The following CDK14 variants were observed in gnomAD, a reference collection of about 807,000 sequenced individuals.
CDK14 encodes the protein cyclin-dependent kinase 14.
In CDK14, 34 loss-of-function variants were observed where a neutral mutation model predicts 60.7. That is an observed-to-expected ratio of 0.56 (90% CI 0.43 to 0.75). The LOEUF (loss-of-function observed/expected upper bound fraction) is 0.75. Ranked by LOEUF, CDK14 falls within the 30% of genes least tolerant of loss-of-function variation. The pLI, the probability that CDK14 is intolerant of heterozygous loss-of-function variation, is 0.00. For synonymous variants in CDK14, 197 were observed against 203.7 expected, an observed-to-expected ratio of 0.97 and a Z score of 0.28; for missense variants, 482 against 564.1, an observed-to-expected ratio of 0.85 and a Z score of 1.47.
intron 2 of CDK14, among the ~76,000 whole-genome samples, chr7:90,703,620 C>A (rs554794232): frequency 6.6e-6 from 1 of 152,138 alleles, no homozygotes; most frequent in South Asian, 2.1e-4. Context: ...AATGAGGAAG[C>A]AAAAACTGAG....
chr7:90,960,928 T>C (rs1319408523), intron 9 of CDK14, among the ~76,000 whole-genome samples: 2 of 152,160 alleles, frequency 1.3e-5, no homozygotes, highest in East Asian at 3.9e-4. Flanking sequence ...GTACTTCTAT[T>C]GAACACAAAC....
intron 1 of CDK14, among the ~76,000 whole-genome samples, chr7:90,603,578 A>C (rs922781217): frequency 6.6e-6 from 1 of 152,194 alleles, no homozygotes; most frequent in Non-Finnish European, 1.5e-5. Flanking sequence ...CATTTCTGAG[A>C]ATGTATCCCA....
chr7:90,975,662 T>G (rs1206683348), intron 9 of CDK14, among the ~76,000 whole-genome samples: 2 of 152,102 alleles, frequency 1.3e-5, no homozygotes, highest in Admixed American at 1.3e-4. Flanking sequence ...TAATTTTGTG[T>G]CTTTTAGCAA....
At chr7:90,952,345 T>C (rs1271191691) in intron 8 of CDK14, among the ~76,000 whole-genome samples, 2 of 152,112 alleles carry the variant, frequency 1.3e-5, no homozygotes, top group Non-Finnish European at 1.5e-5. Flanking sequence ...CTTATAGAGA[T>C]GTGAGGAGGA....
chr7:91,134,118 T>C (rs550022245), intron 14 of CDK14, among the ~76,000 whole-genome samples: 212 of 152,198 alleles, frequency 1.4e-3, no homozygotes, highest in Middle Eastern at 6.8e-3. Flanking sequence ...GTGAGGGCTT[T>C]TTGTGGGGGG....
chr7:91,175,511 G>A (rs1801704244), intron 14 of CDK14, among the ~76,000 whole-genome samples: 1 of 152,086 alleles, frequency 6.6e-6, no homozygotes, highest in African/African-American at 2.4e-5. Context: ...GACACAGACT[G>A]GCAAATTGAA....
At chr7:90,807,433 C>CA (rs978379466) in intron 5 of CDK14, among the ~76,000 whole-genome samples, 1 of 152,156 alleles carries the variant, frequency 6.6e-6, no homozygotes, top group African/African-American at 2.4e-5. Context: ...AACTAACAAA[C>CA]AGAAAGGACA....
intron 7 of CDK14, among the ~76,000 whole-genome samples, chr7:90,914,280 T>C (rs1380057904): frequency 6.6e-6 from 1 of 152,240 alleles, no homozygotes; most frequent in African/African-American, 2.4e-5. Context: ...CTTCTCTTCT[T>C]GTAACAGCCA....
chr7:91,111,768 A>G (rs1394467277), intron 12 of CDK14, among the ~76,000 whole-genome samples: 2 of 152,360 alleles, frequency 1.3e-5, no homozygotes, highest in Admixed American at 1.3e-4. Context: ...TATTATCATT[A>G]TTATATTAAT....
intron 4 of CDK14, among the ~76,000 whole-genome samples, chr7:90,748,896 A>C (rs1284757219): frequency 2.0e-5 from 3 of 152,170 alleles, no homozygotes; most frequent in African/African-American, 4.8e-5. Flanking sequence ...GCCAGATTAG[A>C]ATATTGTAAC....
chr7:91,052,148 T>A (rs572466211), intron 11 of CDK14, among the ~76,000 whole-genome samples: 2 of 152,276 alleles, frequency 1.3e-5, no homozygotes, highest in South Asian at 4.1e-4. Context: ...TGTTTGATTG[T>A]GCCTTAAGCA....
chr7:90,873,360 G>T (rs549415363), intron 6 of CDK14, among the ~76,000 whole-genome samples: 2 of 152,240 alleles, frequency 1.3e-5, no homozygotes, highest in South Asian at 2.1e-4. Flanking sequence ...AAGTGTGAAA[G>T]TATACATTAT....
At chr7:91,177,415 T>A (rs1801809564) in intron 14 of CDK14, among the ~76,000 whole-genome samples, 1 of 151,618 alleles carries the variant, frequency 6.6e-6, no homozygotes, top group South Asian at 2.1e-4. Flanking sequence ...AGGGATACCC[T>A]CTCTCACCAC....
At chr7:90,878,070 G>A (rs1791620066) in intron 6 of CDK14, among the ~76,000 whole-genome samples, 1 of 145,708 alleles carries the variant, frequency 6.9e-6, no homozygotes, top group Non-Finnish European at 1.5e-5. Flanking sequence ...CACATTGTGT[G>A]GCTGTGTGTG....
At position 90,726,689 on chromosome 7, in the gene CDK14, A is replaced by G. The variant is rs766121316; in HGVS notation, c.246A>G (p.Pro82=). Residue 82 remains proline, a synonymous_variant, in exon 3 of 15, where the codon CCA becomes CCG. Transcript: ENST00000380050. The part of the protein sequence containing the change: ...RVQRTQSTFD[P]FEKPANQVKR... ...AGAGGACACAGAGCACTTTTGACCC[A>G]TTTGAGAAACCAGCTAATCAAGTAA... is the stretch of plus-strand genomic sequence containing the variant. The G allele has an allele frequency of 3.1e-6, 5 of 1,613,900 alleles. No individual in the cohort carries two copies. The highest frequency in any genetic ancestry group is 1.1e-5 in the South Asian group (1 of 91,084).
intron 2 of CDK14, among the ~76,000 whole-genome samples, chr7:90,706,489 C>T (rs868156805): frequency 2.3e-4 from 35 of 152,202 alleles, no homozygotes; most frequent in African/African-American, 7.9e-4. Flanking sequence ...GGAGAACAAA[C>T]GAGAAGTCCA....
intron 12 of CDK14, among the ~76,000 whole-genome samples, chr7:91,086,504 C>T (rs970452703): frequency 1.3e-5 from 2 of 152,072 alleles, no homozygotes; most frequent in Non-Finnish European, 1.5e-5. Flanking sequence ...CTGTTGTTCC[C>T]GATCTCCTTG....
At chr7:90,720,936 G>A (rs957732709) in intron 2 of CDK14, among the ~76,000 whole-genome samples, 1 of 152,050 alleles carries the variant, frequency 6.6e-6, no homozygotes, top group African/African-American at 2.4e-5. Flanking sequence ...TCTGAGTCAC[G>A]GGTTGGCAGT....
intron 10 of CDK14, among the ~76,000 whole-genome samples, chr7:91,029,657 T>C (rs62468497): frequency 0.092 from 5,719 of 62,304 alleles, 135 homozygotes; most frequent in South Asian, 0.17. Flanking sequence ...TTCTGTTTCC[T>C]GCAGCTATTA....
Sources: allele counts gnomAD v4.1 joint callset (sites outside exome capture counted in the v4.1 genomes callset), GRCh38; gene constraint gnomAD v4.1.1; transcripts MANE v1.5; gene names NCBI Gene and HGNC (gene_info 2026-07-23, HGNC 2026-07-21).